The following SMDT1 variants were observed in gnomAD, a reference collection of about 807,000 sequenced individuals.
SMDT1 encodes single-pass membrane protein with aspartate rich tail 1, also known as essential MCU regulator, mitochondrial.
In SMDT1, 6 loss-of-function variants were observed where a neutral mutation model predicts 5.9. That is an observed-to-expected ratio of 1.03 (90% CI 0.56 to 2.02). SMDT1 has a LOEUF of 2.02. Ranked by LOEUF, SMDT1 falls within the 30% of genes most tolerant of loss-of-function variation. The pLI is 0.00. For synonymous variants in SMDT1, 81 were observed against 62.4 expected (o/e 1.30, Z -1.40); for missense variants, 159 against 145.6 (o/e 1.09, Z -0.47).
In SMDT1 at chr22:42,082,152, C is replaced by T. The variant is rs553906255; in HGVS notation, c.*3+87C>T. 22 of 1,521,616 alleles carry T rather than the reference C, an allele frequency of 1.4e-5. No individual in the cohort carries two copies. The South Asian group carries it at 2.4e-4, about 17-fold the overall frequency. The allele number at this position is 1,521,616 out of a possible 1,614,324, so 94.3% of individuals were successfully genotyped here. On this transcript the variant is annotated intron_variant, in intron 2 of 2. Coordinates refer to ENST00000331479, the MANE Select transcript of SMDT1 (RefSeq NM_033318.5). Reference sequence around the variant, plus strand: ...GTCTGGCCTGGTAGCAGCATTTGGACACTGGGGGCAGAAGCATTAATGAAT... The same window carrying T: ...GTCTGGCCTGGTAGCAGCATTTGGATACTGGGGGCAGAAGCATTAATGAAT...
chr22:42,083,341 A>C lies in SMDT1; in HGVS notation c.*226A>C, dbSNP rs560519187. ...ACAAGCAATCAAATTATGAATAAAC[A>C]TAATAAATATCAGCCGTGCGTGACT... is the stretch of plus-strand genomic sequence containing the variant. On this transcript the variant is annotated 3_prime_UTR_variant, in exon 3 of 3. Coordinates refer to ENST00000331479, the MANE Select transcript of SMDT1 (RefSeq NM_033318.5). 1 of 152,654 alleles carries C rather than the reference A, an allele frequency of 6.6e-6. No homozygotes were observed. Among genetic ancestry groups the C allele is most frequent in the South Asian group, 2.1e-4 (1 of 4,828 alleles). The allele number at this position is 152,654 out of a possible 1,614,324, so 9.5% of individuals were successfully genotyped here.
Position 42,079,974 on chromosome 22 carries a change from CG to C in SMDT1, c.186+24del. On this transcript the variant is annotated intron_variant, in intron 1 of 2. Transcript: ENST00000331479. ...GTGAAAGTGAGTGTCCTCCTGGAGA[CG>C]GGGCGAAGGGGCTGAGGCCAATCAT... The C allele has an allele frequency of 6.2e-7, 1 of 1,601,248 alleles. No individual in the cohort carries two copies. The highest frequency in any genetic ancestry group is 8.5e-7 in the Non-Finnish European group (1 of 1,172,800).
At chr22:42,082,279 G>C (rs1233568966) in intron 2 of SMDT1, 2 of 532,916 alleles carry the variant, frequency 3.8e-6, no homozygotes, top group African/African-American at 3.9e-5. Flanking sequence ...TCGACTCACT[G>C]CAACCTCTGC....
chr22:42,082,865 G>A (rs973119366), intron 2 of SMDT1, among the ~76,000 whole-genome samples: 1 of 152,166 alleles, frequency 6.6e-6, no homozygotes, highest in Non-Finnish European at 1.5e-5. Flanking sequence ...TCGGTATTAT[G>A]TGGCTAAACA....
Position 42,083,671 on chromosome 22 carries a change from G to T in SMDT1, c.*556G>T, listed in dbSNP as rs550661361. ...ATATAACTAGAATGATTCAAAACTC[G>T]GGTTCTGTGATATGAGGATATAGAT... On this transcript the variant is annotated 3_prime_UTR_variant, in exon 3 of 3. Transcript: ENST00000331479. The T allele has an allele frequency of 2.6e-5, 4 of 152,104 alleles. No homozygotes were observed. The highest frequency in any genetic ancestry group is 5.9e-5 in the Non-Finnish European group (4 of 68,034). The allele number at this position is 152,104 out of a possible 1,614,324, so 9.4% of individuals were successfully genotyped here.
In SMDT1 at chr22:42,079,966, C is replaced by T. The variant is rs1217629443; in HGVS notation, c.186+12C>T. On this transcript the variant is annotated intron_variant, in intron 1 of 2. Coordinates refer to ENST00000331479, the MANE Select transcript of SMDT1 (RefSeq NM_033318.5). ...CCAAACCGGTGAAAGTGAGTGTCCT[C>T]CTGGAGACGGGGCGAAGGGGCTGAG... The T allele has an allele frequency of 5.0e-6, 8 of 1,605,908 alleles. No individual in the cohort carries two copies. Among genetic ancestry groups the T allele is most frequent in the Non-Finnish European group, 6.8e-6 (8 of 1,175,234 alleles).
At chr22:42,080,079 A>G in intron 1 of SMDT1, 125 bp downstream of exon 1, 4 of 1,072,328 alleles carry the variant, frequency 3.7e-6, no homozygotes, top group South Asian at 1.6e-5. Context: ...TGGAAGGCGG[A>G]CCAAGAATAC....
At chr22:42,082,981 G>A (rs1268882912) in intron 2 of SMDT1, 138 bp from the exon 3 acceptor site, 1 of 152,192 alleles carries the variant, frequency 6.6e-6, no homozygotes, top group Non-Finnish European at 1.5e-5. Flanking sequence ...CCCAGTTAAC[G>A]TGCGCATGAA....
chr22:42,081,585 C>T (rs1171081918), intron 1 of SMDT1, among the ~76,000 whole-genome samples: 1 of 151,738 alleles, frequency 6.6e-6, no homozygotes, highest in Non-Finnish European at 1.5e-5. Flanking sequence ...CTCAGCCTCC[C>T]GAGTAGCTGG....
At position 42,079,870 on chromosome 22, in the gene SMDT1, A is replaced by G. The variant is rs774787944; in HGVS notation, c.102A>G (p.Ala34=). The change falls in exon 1 of 3, where the codon GCA becomes GCG. Residue 34 remains alanine (A), a synonymous_variant. Coordinates refer to ENST00000331479, the MANE Select transcript of SMDT1 (RefSeq NM_033318.5). The part of the protein sequence containing the change: ...SLRKDGDVSA[A]WSGSGRSLVP... Reference sequence around the variant, plus strand: ...GGAAAGATGGCGATGTCTCCGCCGCATGGAGCGGCTCAGGCCGGAGCCTGG... The same window carrying G: ...GGAAAGATGGCGATGTCTCCGCCGCGTGGAGCGGCTCAGGCCGGAGCCTGG... 3.7e-6 allele frequency: 6 copies of G among 1,614,026 alleles called. No individual in the cohort carries two copies. In the East Asian group the frequency reaches 1.3e-4, roughly 36 times the overall value.
chr22:42,081,930 C>G lies in SMDT1; in HGVS notation c.192C>G (p.Ser64=), dbSNP rs551720408. The G allele has an allele frequency of 3.7e-6, 6 of 1,614,054 alleles. No individual in the cohort carries two copies. In the African/African-American group the frequency reaches 8.0e-5, roughly 22 times the overall value. The change falls in exon 2 of 3, where the codon TCC becomes TCG. Residue 64 remains serine (S), a synonymous_variant. Coordinates refer to ENST00000331479, the MANE Select transcript of SMDT1 (RefSeq NM_033318.5). The part of the protein sequence containing the change: ...GAILPKPVKM[S]FGLLRVFSIV... ...GCCACTCTGACCCTCTGCAGATGTC[C>G]TTCGGCCTTCTCCGTGTGTTCTCCA...
chr22:42,084,277 T>G lies in SMDT1; in HGVS notation c.*1162T>G, dbSNP rs1393217656. On this transcript the variant is annotated 3_prime_UTR_variant, in exon 3 of 3. Coordinates refer to ENST00000331479, the MANE Select transcript of SMDT1 (RefSeq NM_033318.5). The stretch of plus-strand genomic sequence containing the variant: ...TGTGATATCCTTTATAATAAACCAG[T>G]AAACGGACCTAAGTGTTCCTCTGAG... The G allele has an allele frequency of 6.6e-6, 1 of 152,050 alleles. No individual in the cohort carries two copies. The highest frequency in any genetic ancestry group is 1.5e-5 in the Non-Finnish European group (1 of 68,046). 9.4% of individuals were successfully genotyped at this position (152,050 alleles called of 1,614,324 possible). A position where few individuals can be genotyped will look rare whatever the true frequency, so the allele number is the denominator to read the frequency against.
chr22:42,080,303 T>A (rs118142571), intron 1 of SMDT1, among the ~76,000 whole-genome samples: 1 of 152,292 alleles, frequency 6.6e-6, no homozygotes, highest in Non-Finnish European at 1.5e-5. Context: ...TGGGATGAAA[T>A]ATGAATTTTG....
chr22:42,081,150 A>G (rs1011050086), intron 1 of SMDT1, among the ~76,000 whole-genome samples: 3 of 150,632 alleles, frequency 2.0e-5, no homozygotes, highest in Non-Finnish European at 4.4e-5. Context: ...TTTGATGGCC[A>G]TAACAGTCAC....
chr22:42,081,829 A>G (rs995570797), intron 1 of SMDT1, 96 bp from the exon 2 acceptor site: 4 of 1,420,972 alleles, frequency 2.8e-6, no homozygotes, highest in Admixed American at 4.3e-5. Flanking sequence ...GTTGCTTATG[A>G]TGGGTCTGAG....
intron 1 of SMDT1, among the ~76,000 whole-genome samples, chr22:42,080,600 A>C (rs1189926178): frequency 6.6e-6 from 1 of 152,188 alleles, no homozygotes; most frequent in Non-Finnish European, 1.5e-5. Context: ...AAACGGAAAC[A>C]GTCCCTTATA....
intron 1 of SMDT1, among the ~76,000 whole-genome samples, chr22:42,080,454 G>A (rs887007534): frequency 2.0e-5 from 3 of 152,062 alleles, no homozygotes; most frequent in South Asian, 2.1e-4. Context: ...ATGAAGAATC[G>A]GGCTAGAGCG....
In SMDT1 at chr22:42,083,585, C is replaced by T. The variant is rs539642856; in HGVS notation, c.*470C>T. On this transcript the variant is annotated 3_prime_UTR_variant, in exon 3 of 3. Coordinates refer to ENST00000331479, the MANE Select transcript of SMDT1 (RefSeq NM_033318.5). Reference sequence around the variant, plus strand: ...GAAAGCTTCATGGGCTAACTAAAGCCTCATGCCATTCTGTGTTCAGTGCCA... The same window carrying T: ...GAAAGCTTCATGGGCTAACTAAAGCTTCATGCCATTCTGTGTTCAGTGCCA... 3 of 152,296 alleles carry T rather than the reference C, an allele frequency of 2.0e-5. No homozygotes were observed. Among genetic ancestry groups the T allele is most frequent in the Admixed American group, 1.3e-4 (2 of 15,298 alleles). The allele number at this position is 152,296 out of a possible 1,614,324, so 9.4% of individuals were successfully genotyped here.
At position 42,079,718 on chromosome 22, in the gene SMDT1, A is replaced by G; in HGVS notation, c.-51A>G. On this transcript the variant is annotated 5_prime_UTR_variant, in exon 1 of 3. Coordinates refer to ENST00000331479, the MANE Select transcript of SMDT1 (RefSeq NM_033318.5). ...CGGCTTTCTTCCCGAGGGCGGCACG[A>G]GGGCTGGGCGGTGGGGTGCGGGTGC... The G allele has an allele frequency of 6.4e-7, 1 of 1,551,810 alleles. No individual in the cohort carries two copies. Among genetic ancestry groups the G allele is most frequent in the Non-Finnish European group, 8.7e-7 (1 of 1,154,380 alleles).
Sources: gnomAD v4.1 joint callset for allele counts (sites outside exome capture counted in the v4.1 genomes callset) on GRCh38, gnomAD v4.1.1 for gene constraint, MANE v1.5 for transcripts, NCBI Gene and HGNC (gene_info 2026-07-23, HGNC 2026-07-21) for gene names.